TRAF5: variants seen among roughly 807,000 people sequenced by gnomAD.
The protein encoded by TRAF5 is TNF receptor-associated factor 5.
In TRAF5, 48 loss-of-function variants were observed where a neutral mutation model predicts 64.5. The observed-to-expected ratio is 0.74, with a 90% CI of 0.59 to 0.95. The LOEUF is 0.95. TRAF5 is among the 40% of genes least tolerant of loss of function. TRAF5 has a pLI of 0.00. For missense variants in TRAF5, 545 were observed against 662.8 expected (o/e 0.82, Z 1.95); for synonymous variants, 206 against 240.5 (o/e 0.86, Z 1.33).
At chr1:211,351,175 T>C (rs6681141) in intron 1 of TRAF5, among the ~76,000 whole-genome samples, 129,281 of 151,636 alleles carry the variant, frequency 0.85, 56,642 homozygotes, top group Middle Eastern at 0.97. Context: ...TACAGGCACC[T>C]GCCACCACGC....
intron 1 of TRAF5, among the ~76,000 whole-genome samples, chr1:211,340,699 C>A (rs1340364879): frequency 9.2e-5 from 14 of 152,186 alleles, no homozygotes; most frequent in Admixed American, 9.2e-4. Context: ...TCTCAAGTAG[C>A]AGAACATGTT....
intron 1 of TRAF5, among the ~76,000 whole-genome samples, chr1:211,334,594 G>C (rs1018101198): frequency 6.6e-6 from 1 of 152,138 alleles, no homozygotes; most frequent in East Asian, 1.9e-4. Flanking sequence ...GGAGGCGGAG[G>C]TTGCAGTGAG....
At chr1:211,371,751 A>G (rs917412423) in intron 10 of TRAF5, among the ~76,000 whole-genome samples, 2 of 152,254 alleles carry the variant, frequency 1.3e-5, no homozygotes, top group African/African-American at 4.8e-5. Flanking sequence ...ATGAAAAATA[A>G]TGAGAAGACT....
chr1:211,330,459 C>T (rs1702129051), intron 1 of TRAF5, among the ~76,000 whole-genome samples: 1 of 151,874 alleles, frequency 6.6e-6, no homozygotes, highest in Admixed American at 6.6e-5. Context: ...TCAGCTCTCT[C>T]CTCCTCCCTC....
intron 1 of TRAF5, among the ~76,000 whole-genome samples, chr1:211,340,562 G>A (rs1000454863): frequency 4.6e-5 from 7 of 152,238 alleles, no homozygotes; most frequent in Admixed American, 6.5e-5. Context: ...AATTATAGGT[G>A]TGAGCTGTTG....
At chr1:211,369,761 A>G (rs1703462751) in intron 9 of TRAF5, among the ~76,000 whole-genome samples, 169 bp downstream of exon 9, 1 of 152,218 alleles carries the variant, frequency 6.6e-6, no homozygotes. Context: ...CTCATGGCCA[A>G]CATTTTGTCC....
intron 1 of TRAF5, among the ~76,000 whole-genome samples, chr1:211,342,508 G>A (rs944940630): frequency 4.6e-5 from 7 of 151,960 alleles, no homozygotes; most frequent in Non-Finnish European, 8.8e-5. Flanking sequence ...AATTCTTTTA[G>A]TTATTTTTAA....
intron 9 of TRAF5, 38 bp from the exon 10 acceptor site, chr1:211,371,264 T>C: frequency 3.3e-6 from 5 of 1,535,194 alleles, no homozygotes; most frequent in Middle Eastern, 2.1e-4. Context: ...AAATATTAAC[T>C]AATTTTTTAA....
intron 1 of TRAF5, among the ~76,000 whole-genome samples, chr1:211,349,066 G>A (rs1287430763): frequency 1.4e-5 from 2 of 142,000 alleles, no homozygotes; most frequent in Admixed American, 7.1e-5. Flanking sequence ...AAATTAGCCA[G>A]GCGTGGTGGC....
At chr1:211,353,683 C>T (rs1022536881) in intron 2 of TRAF5, 4 of 557,254 alleles carry the variant, frequency 7.2e-6, no homozygotes, top group African/African-American at 1.9e-5. Flanking sequence ...CAGACTGTAC[C>T]TGCTTTGCAT....
chr1:211,355,860 C>A (rs150341924), intron 3 of TRAF5, among the ~76,000 whole-genome samples: 2 of 152,332 alleles, frequency 1.3e-5, no homozygotes, highest in African/African-American at 4.8e-5. Flanking sequence ...TGGAATGTAG[C>A]TGTGCCCATT....
chr1:211,358,945 G>T (rs1438910769), intron 4 of TRAF5: 1 of 150,442 alleles, frequency 6.6e-6, no homozygotes, highest in Admixed American at 6.6e-5. Flanking sequence ...TAAAATTAGA[G>T]AATATTTAAA....
At chr1:211,327,649 G>A (rs750043082) in intron 1 of TRAF5, among the ~76,000 whole-genome samples, 2 of 152,194 alleles carry the variant, frequency 1.3e-5, no homozygotes, top group East Asian at 3.8e-4. Context: ...CTCTTGCTGC[G>A]GGTCCCACTG....
intron 4 of TRAF5, 143 bp from the exon 5 acceptor site, chr1:211,359,769 G>T: frequency 1.2e-6 from 1 of 857,422 alleles, no homozygotes; most frequent in East Asian, 2.5e-5. Flanking sequence ...CATCCCCTGA[G>T]AGCCTACCCT....
chr1:211,365,150 G>T (rs1358480551), intron 7 of TRAF5, among the ~76,000 whole-genome samples: 1 of 151,804 alleles, frequency 6.6e-6, no homozygotes, highest in Non-Finnish European at 1.5e-5. Flanking sequence ...TCCAGCCTGG[G>T]CAACAGAGCA....
chr1:211,355,349 T>C (rs1253887084), intron 3 of TRAF5, among the ~76,000 whole-genome samples: 1 of 152,170 alleles, frequency 6.6e-6, no homozygotes, highest in Non-Finnish European at 1.5e-5. Flanking sequence ...CTATTTCTTT[T>C]TTCTTTTTTT....
chr1:211,353,236 C>A lies in TRAF5; in HGVS notation c.-1-3C>A. 3 of 1,614,098 alleles carry A rather than the reference C, an allele frequency of 1.9e-6. No individual in the cohort carries two copies. The highest frequency in any genetic ancestry group is 2.5e-6 in the Non-Finnish European group (3 of 1,179,972). On this transcript the variant is annotated splice_polypyrimidine_tract_variant and splice_region_variant and intron_variant, in intron 1 of 10. Transcript: ENST00000261464. ...TTTCCCTCTCCTCCCCTGACCTCTG[C>A]AGAATGGCTTATTCAGAAGAGCATA...
chr1:211,345,289 C>A (rs1264850121), intron 1 of TRAF5, among the ~76,000 whole-genome samples: 23 of 152,108 alleles, frequency 1.5e-4, no homozygotes, highest in Admixed American at 1.4e-3. Flanking sequence ...CTCCTGAGCT[C>A]AAGCAATCTT....
chr1:211,346,385 GT>G, intron 1 of TRAF5: 1 of 985,454 alleles, frequency 1.0e-6, no homozygotes, highest in Non-Finnish European at 1.2e-6. Flanking sequence ...GTGCAGATGA[GT>G]GGGCTGTGGG....
Sources: gnomAD v4.1 joint callset for allele counts (sites outside exome capture counted in the v4.1 genomes callset) on GRCh38, gnomAD v4.1.1 for gene constraint, MANE v1.5 for transcripts, NCBI Gene and HGNC (gene_info 2026-07-23, HGNC 2026-07-21) for gene names.